The following ATP2A2 variants were observed in gnomAD, a reference collection of about 807,000 sequenced individuals.
The protein encoded by ATP2A2 is sarcoplasmic/endoplasmic reticulum calcium ATPase 2.
In ATP2A2, 14 loss-of-function variants were observed where a neutral mutation model predicts 109.3. That is an observed-to-expected ratio of 0.13 (90% confidence interval 0.08 to 0.20). ATP2A2 has a LOEUF of 0.20. Ranked by LOEUF, ATP2A2 falls within the 10% of genes least tolerant of loss-of-function variation. The pLI is 1.00. For missense variants in ATP2A2, 657 were observed against 1,321.6 expected (o/e 0.50, Z 7.80); for synonymous variants, 506 against 490.9 (o/e 1.03, Z -0.41).
At chr12:110,325,959 C>A (rs1484043436) in intron 6 of ATP2A2, 3 of 193,250 alleles carry the variant, frequency 1.6e-5, no homozygotes, top group Non-Finnish European at 3.2e-5. Flanking sequence ...TTGCACCAGC[C>A]CGGGTGATAG....
At chr12:110,281,168 C>T (rs1266014472), upstream of ATP2A2, 1 of 149,518 alleles carries the variant, frequency 6.7e-6, no homozygotes, top group African/African-American at 2.4e-5. Context: ...GCCCGCGCCG[C>T]GCTGGGCGCT....
At chr12:110,288,101 CTTTTT>C (rs71083111) in intron 3 of ATP2A2, among the ~76,000 whole-genome samples, 1 of 87,300 alleles carries the variant, frequency 1.1e-5, no homozygotes, top group African/African-American at 5.3e-5. Flanking sequence ...ATGCTTTGCC[CTTTTT>C]TTTTTTTTTT....
Position 110,327,728 on chromosome 12 carries a change from T to C in ATP2A2, c.806T>C (p.Ile269Thr). ...QLSKVISLIC[I>T]AVWIINIGHF... ...TCCAAAGTCATCTCCCTTATTTGCA[T>C]TGCAGTCTGGATCATAAATATTGGG... The change falls in exon 8 of 20, where the codon ATT (isoleucine) becomes ACT (threonine). Residue 269 changes from isoleucine (I) to threonine (T), a missense_variant. Physicochemically the swap from Ile to Thr is moderately conservative, Grantham distance 89. Coordinates refer to ENST00000539276, the MANE Select transcript of ATP2A2 (RefSeq NM_170665.4). This position sits in a 1 kb window ranked among gnomAD's most constrained non-coding sequence, Gnocchi z 4.4. 1.2e-6 allele frequency: 2 copies of C among 1,614,188 alleles called. No individual in the cohort carries two copies. The highest frequency in any genetic ancestry group is 1.7e-5 in the Admixed American group (1 of 60,016).
At chr12:110,332,889 G>C (rs989651292) in intron 9 of ATP2A2, among the ~76,000 whole-genome samples, 2 of 152,070 alleles carry the variant, frequency 1.3e-5, no homozygotes, top group Non-Finnish European at 2.9e-5. Context: ...GCATCTTCTG[G>C]GCTCCAAACT....
chr12:110,345,980 C>G (rs1879815116), intron 18 of ATP2A2, 21 bp from the exon 19 acceptor site: 1 of 1,613,158 alleles, frequency 6.2e-7, no homozygotes, highest in Non-Finnish European at 8.5e-7. Flanking sequence ...GTGCGTTTCC[C>G]CACCTCTCCT....
chr12:110,317,256 A>G (rs1313657337), intron 5 of ATP2A2, among the ~76,000 whole-genome samples: 1 of 152,240 alleles, frequency 6.6e-6, no homozygotes, highest in Non-Finnish European at 1.5e-5. Context: ...CAAAAACAAC[A>G]GTGGCATTTA....
At chr12:110,317,506 T>A (rs1224467141) in intron 5 of ATP2A2, among the ~76,000 whole-genome samples, 1 of 151,930 alleles carries the variant, frequency 6.6e-6, no homozygotes, top group Non-Finnish European at 1.5e-5. Context: ...AGCCTCCAAG[T>A]AGCTACAATT....
At chr12:110,295,522 A>G (rs1205632958) in intron 4 of ATP2A2, among the ~76,000 whole-genome samples, 5 of 152,218 alleles carry the variant, frequency 3.3e-5, no homozygotes, top group Non-Finnish European at 5.9e-5. Context: ...AACCTTGAGC[A>G]GTCCAGTTAA....
intron 8 of ATP2A2, among the ~76,000 whole-genome samples, chr12:110,329,043 T>C (rs1878082999): frequency 6.6e-6 from 1 of 152,212 alleles, no homozygotes; most frequent in Admixed American, 6.5e-5. Context: ...TCATTAGAGA[T>C]TGGTTCCAGG....
chr12:110,344,059 T>C (rs1470597005), intron 16 of ATP2A2, among the ~76,000 whole-genome samples: 1 of 152,202 alleles, frequency 6.6e-6, no homozygotes, highest in Non-Finnish European at 1.5e-5. Context: ...GAGGTGCTCA[T>C]GTACCCTGTG....
At chr12:110,312,089 G>A (rs1566217655) in intron 5 of ATP2A2, among the ~76,000 whole-genome samples, 1 of 152,134 alleles carries the variant, frequency 6.6e-6, no homozygotes, top group Non-Finnish European at 1.5e-5. Flanking sequence ...TGAGGTGGGA[G>A]GATCAGTTGA....
intron 5 of ATP2A2, among the ~76,000 whole-genome samples, chr12:110,322,569 C>T (rs1247191023): frequency 6.6e-6 from 1 of 152,108 alleles, no homozygotes; most frequent in Non-Finnish European, 1.5e-5. Flanking sequence ...CCATTTGCTT[C>T]CTGTTCACAA....
intron 4 of ATP2A2, among the ~76,000 whole-genome samples, chr12:110,292,833 A>G (rs1873464970): frequency 6.6e-6 from 1 of 152,214 alleles, no homozygotes; most frequent in Non-Finnish European, 1.5e-5. Flanking sequence ...AAAATGGGTG[A>G]GAGAAGCTGC....
chr12:110,309,405 G>T (rs1373008091), intron 5 of ATP2A2, among the ~76,000 whole-genome samples: 1 of 151,170 alleles, frequency 6.6e-6, no homozygotes, highest in Non-Finnish European at 1.5e-5. Flanking sequence ...TGATCCGCCC[G>T]CCTCAGCCTC....
chr12:110,289,112 T>C (rs1398074510), intron 3 of ATP2A2, among the ~76,000 whole-genome samples: 1 of 152,244 alleles, frequency 6.6e-6, no homozygotes, highest in South Asian at 2.1e-4. Flanking sequence ...TTCCCTTTGC[T>C]CTAGCTATCA....
At chr12:110,333,107 C>A (rs995478861) in intron 9 of ATP2A2, 74 bp from the exon 10 acceptor site, 3 of 1,245,788 alleles carry the variant, frequency 2.4e-6, no homozygotes, top group African/African-American at 1.5e-5. Flanking sequence ...TAAACAATTG[C>A]GGGGGGGCAG....
At position 110,340,748 on chromosome 12, in the gene ATP2A2, C is replaced by T; in HGVS notation, c.1851C>T (p.Gly617=). 1.2e-6 allele frequency: 2 copies of T among 1,614,144 alleles called. No individual in the cohort carries two copies. The highest frequency in any genetic ancestry group is 1.7e-5 in the Admixed American group (1 of 60,020). The change falls in exon 14 of 20, where the codon GGC becomes GGT. Residue 617 remains glycine, a synonymous_variant. Transcript: ENST00000539276. The surrounding 1 kb of genome is among the most constrained non-coding windows in gnomAD (Gnocchi z 6.0). ...ASSVKLCRQA[G]IRVIMITGDN... is the part of the protein sequence containing the mutation. The stretch of plus-strand genomic sequence containing the variant: ...CCGTGAAGCTGTGCCGGCAAGCAGG[C>T]ATCCGGGTCATCATGATCACTGGGG...
At chr12:110,305,723 A>G (rs560612589) in intron 5 of ATP2A2, among the ~76,000 whole-genome samples, 72 of 152,290 alleles carry the variant, frequency 4.7e-4, no homozygotes, top group Non-Finnish European at 8.4e-4. Context: ...GGTTCCTTAC[A>G]TTTACATATA....
upstream of ATP2A2, chr12:110,280,718 G>A (rs2137666127): frequency 6.6e-6 from 1 of 152,506 alleles, no homozygotes; most frequent in East Asian, 1.9e-4. Flanking sequence ...TTTGGGTTGT[G>A]TGGGAAGTGA....
Sources: allele counts gnomAD v4.1 joint callset (sites outside exome capture counted in the v4.1 genomes callset), GRCh38; gene constraint gnomAD v4.1.1; non-coding constraint Gnocchi (gnomAD v3.1); transcripts MANE v1.5; gene names NCBI Gene and HGNC (gene_info 2026-07-23, HGNC 2026-07-21).